The following SH3KBP1 variants were observed in gnomAD, a reference collection of about 807,000 sequenced individuals.
SH3KBP1 encodes the protein SH3 domain-containing kinase-binding protein 1.
SH3KBP1 carries 8 observed loss-of-function variants against 50.1 expected under a neutral mutation model. The observed-to-expected ratio is 0.16, with a 90% CI of 0.09 to 0.29. The LOEUF is 0.29. Among genes scored for constraint, SH3KBP1 ranks in the 10% least tolerant of loss-of-function variants. The pLI is 1.00. For missense variants in SH3KBP1, 377 were observed against 535.2 expected (o/e 0.70, Z 2.92); for synonymous variants, 227 against 218.6 (o/e 1.04, Z -0.34).
intron 1 of SH3KBP1, among the ~76,000 whole-genome samples, chrX:19,867,273 G>A (rs771779637): frequency 9.0e-6 from 1 of 111,054 alleles, no homozygotes; most frequent in African/African-American, 3.3e-5. Context: ...CTCAAGTGGT[G>A]ACCCTTCTCC....
chrX:19,740,453 T>C (rs1402252032), intron 3 of SH3KBP1, among the ~76,000 whole-genome samples: 2 of 112,171 alleles, frequency 1.8e-5, no homozygotes, highest in African/African-American at 6.5e-5. Context: ...CCAGCTCAGG[T>C]GATAGCCAAG....
intron 2 of SH3KBP1, among the ~76,000 whole-genome samples, chrX:19,826,701 A>ATAACG: frequency 9.9e-6 from 1 of 100,509 alleles, no homozygotes; most frequent in East Asian, 3.0e-4. Flanking sequence ...ATAACATAAC[A>ATAACG]TAACATAACA....
At chrX:19,839,602 C>A (rs1384309877) in intron 1 of SH3KBP1, among the ~76,000 whole-genome samples, 1 of 112,392 alleles carries the variant, frequency 8.9e-6, no homozygotes, top group Non-Finnish European at 1.9e-5. Flanking sequence ...GGATTACAGG[C>A]GTGAGCGACC....
At chrX:19,547,654 C>T (rs1284962397) in intron 14 of SH3KBP1, among the ~76,000 whole-genome samples, 1 of 112,044 alleles carries the variant, frequency 8.9e-6, no homozygotes, top group Non-Finnish European at 1.9e-5. Context: ...ATTCAAAAAG[C>T]CAGTTCCCTC....
Position 19,535,701 on chromosome X carries a change from T to C in SH3KBP1, c.*716A>G, listed in dbSNP as rs910435633. The C allele has an allele frequency of 1.8e-5, 2 of 111,465 alleles. No homozygotes were observed. Among genetic ancestry groups the C allele is most frequent in the Non-Finnish European group, 3.8e-5 (2 of 53,081 alleles). The allele number at this position is 111,465 out of a possible 1,213,427, so 9.2% of individuals were successfully genotyped here. ...CTTGGATAAGTGGCAGATTTTTTTT[T>C]TTTAATTTTTAATTTTTTTGAATCA... On this transcript the variant is annotated 3_prime_UTR_variant, in exon 18 of 18. Transcript: ENST00000397821.
At chrX:19,707,956 C>T (rs765780513) in intron 3 of SH3KBP1, among the ~76,000 whole-genome samples, 4 of 112,782 alleles carry the variant, frequency 3.5e-5, no homozygotes, top group African/African-American at 9.7e-5. Flanking sequence ...CATGGCTGAC[C>T]GCCTCACACC....
chrX:19,791,536 G>GAA (rs11410602), intron 2 of SH3KBP1, among the ~76,000 whole-genome samples: 1,971 of 76,831 alleles, frequency 0.026, 47 homozygotes, highest in African/African-American at 0.068. Flanking sequence ...CCTAGAGAAT[G>GAA]AAAAAAAAAA....
At chrX:19,621,052 C>T (rs1348617081) in intron 8 of SH3KBP1, among the ~76,000 whole-genome samples, 1 of 92,899 alleles carries the variant, frequency 1.1e-5, no homozygotes, top group Non-Finnish European at 2.1e-5. Context: ...TCCAATTGTG[C>T]CAATACCATT....
chrX:19,883,512 T>TC (rs1246095366), intron 1 of SH3KBP1, among the ~76,000 whole-genome samples: 1 of 111,382 alleles, frequency 9.0e-6, no homozygotes, highest in Non-Finnish European at 1.9e-5. Context: ...GCCATTTTCC[T>TC]CCCCCACTGC....
At chrX:19,667,623 T>A (rs2062631162) in intron 6 of SH3KBP1, among the ~76,000 whole-genome samples, 1 of 110,997 alleles carries the variant, frequency 9.0e-6, no homozygotes, top group African/African-American at 3.3e-5. Flanking sequence ...AGTGAGACTC[T>A]GTCTCAAAAA....
rs2064708062 is a variant in SH3KBP1 at position 19,536,404 on chromosome X, A to G, written c.*13T>C. ...CTCAGGATGAATAATGTGACATTTC[A>G]TTGATCAAGTATTCATTTTGATTGT... On this transcript the variant is annotated 3_prime_UTR_variant, in exon 18 of 18. Coordinates refer to ENST00000397821, the MANE Select transcript of SH3KBP1 (RefSeq NM_031892.3). 9 of 1,112,534 alleles carry G rather than the reference A, an allele frequency of 8.1e-6. No homozygotes were observed. Among genetic ancestry groups the G allele is most frequent in the Non-Finnish European group, 1.1e-5 (9 of 816,527 alleles). 91.7% of individuals were successfully genotyped at this position (1,112,534 alleles called of 1,213,427 possible). A position where few individuals can be genotyped will look rare whatever the true frequency, so the allele number is the denominator to read the frequency against.
chrX:19,564,144 T>A (rs1256408329), intron 13 of SH3KBP1, among the ~76,000 whole-genome samples: 1 of 111,940 alleles, frequency 8.9e-6, no homozygotes, highest in Non-Finnish European at 1.9e-5. Context: ...GAAAAACCAA[T>A]AGCCCCAAGT....
intron 1 of SH3KBP1, among the ~76,000 whole-genome samples, chrX:19,873,496 C>T (rs190408861): frequency 0.015 from 1,542 of 102,992 alleles, 32 homozygotes; most frequent in African/African-American, 0.052. Flanking sequence ...CATGGTGAGA[C>T]CCTGTCTCTA....
chrX:19,811,003 G>A (rs778645131), intron 2 of SH3KBP1, among the ~76,000 whole-genome samples: 6 of 111,936 alleles, frequency 5.4e-5, no homozygotes, highest in African/African-American at 1.6e-4. Flanking sequence ...TTAGTATTAC[G>A]TGCCACCAGA....
intron 2 of SH3KBP1, among the ~76,000 whole-genome samples, chrX:19,766,142 G>A (rs754376667): frequency 1.8e-5 from 2 of 111,136 alleles, no homozygotes; most frequent in Non-Finnish European, 3.8e-5. Flanking sequence ...AGTATATAAA[G>A]GTTTCAATTG....
chrX:19,838,886 CA>C (rs1187740894), intron 1 of SH3KBP1, among the ~76,000 whole-genome samples: 62 of 30,075 alleles, frequency 2.1e-3, no homozygotes, highest in Middle Eastern at 0.019. Context: ...AACTTTGTCT[CA>C]AAAAAAAAAA....
At chrX:19,584,282 AAT>A (rs1005118547) in intron 12 of SH3KBP1, among the ~76,000 whole-genome samples, 1 of 92,514 alleles carries the variant, frequency 1.1e-5, no homozygotes, top group Non-Finnish European at 2.1e-5. Flanking sequence ...TATATATATA[AAT>A]ATATTTATAT....
intron 2 of SH3KBP1, among the ~76,000 whole-genome samples, chrX:19,835,061 T>C (rs1463247899): frequency 9.5e-6 from 1 of 105,768 alleles, no homozygotes; most frequent in East Asian, 2.9e-4. Flanking sequence ...AAAAAGGCAA[T>C]ATGAATACAA....
At chrX:19,874,466 T>G (rs1603290573) in intron 1 of SH3KBP1, among the ~76,000 whole-genome samples, 3 of 33,276 alleles carry the variant, frequency 9.0e-5, no homozygotes, top group Non-Finnish European at 1.6e-4. Context: ...GTGGAGGTGT[T>G]GAGGGGTGAG....
Sources: gnomAD v4.1 joint callset for allele counts (sites outside exome capture counted in the v4.1 genomes callset) on GRCh38, gnomAD v4.1.1 for gene constraint, MANE v1.5 for transcripts, NCBI Gene and HGNC (gene_info 2026-07-23, HGNC 2026-07-21) for gene names.